PRRX2: variants seen among roughly 807,000 people sequenced by gnomAD.
The protein encoded by PRRX2 is paired mesoderm homeobox protein 2.
In PRRX2, 11 loss-of-function variants were observed where a neutral mutation model predicts 18.0. The observed-to-expected ratio is 0.61, with a 90% confidence interval of 0.39 to 1.01. The LOEUF (loss-of-function observed/expected upper bound fraction) is 1.01. Ranked by LOEUF, PRRX2 falls within the 50% of genes least tolerant of loss-of-function variation. PRRX2 has a pLI of 0.01. For synonymous variants in PRRX2, 177 were observed against 154.8 expected, an observed-to-expected ratio of 1.14 and a Z score of -1.06; for missense variants, 387 against 351.0, an observed-to-expected ratio of 1.10 and a Z score of -0.82.
chr9:129,674,561 G>C (rs1832140998), intron 1 of PRRX2, among the ~76,000 whole-genome samples: 1 of 152,120 alleles, frequency 6.6e-6, no homozygotes, highest in Admixed American at 6.5e-5. Context: ...GACAATGACA[G>C]AGAAGGAGGC....
chr9:129,691,921 C>G (rs1305471788), intron 1 of PRRX2, among the ~76,000 whole-genome samples: 1 of 147,672 alleles, frequency 6.8e-6, no homozygotes, highest in Non-Finnish European at 1.5e-5. Context: ...TCGTGCCTGG[C>G]CTAGACGGTA....
At position 129,709,058 on chromosome 9, in the gene PRRX2, G is replaced by T. The variant is rs557287703; in HGVS notation, c.260-10173G>T. Among the ~76,000 whole-genome samples the T allele has an allele frequency of 2.0e-5, 3 of 152,184 alleles. No homozygotes were observed. Among genetic ancestry groups the T allele is most frequent in the African/African-American group, 4.8e-5 (2 of 41,438 alleles). On this transcript the variant is annotated intron_variant, in intron 1 of 3. Coordinates refer to ENST00000372469, the MANE Select transcript of PRRX2 (RefSeq NM_016307.4). This position sits in a 1 kb window ranked among gnomAD's most constrained non-coding sequence, Gnocchi z 4.2. ...GGAGACCTGCGCTTGTATGGGAGCC[G>T]GGAAGGCCTCTCAGGGCTGGGCATG... is the stretch of plus-strand genomic sequence containing the variant.
chr9:129,672,163 A>G (rs2119050747), intron 1 of PRRX2, among the ~76,000 whole-genome samples: 1 of 152,256 alleles, frequency 6.6e-6, no homozygotes, highest in African/African-American at 2.4e-5. Flanking sequence ...AAGGGGACCC[A>G]ATGCTTGCTT....
Position 129,719,369 on chromosome 9 carries a change from T to TCAACCTCA in PRRX2, c.398_399insCAACCTCA (p.Arg134AsnfsTer65). 1 of 1,567,960 alleles carries TCAACCTCA rather than the reference T, an allele frequency of 6.4e-7. No individual in the cohort carries two copies. The highest frequency in any genetic ancestry group is 8.6e-7 in the Non-Finnish European group (1 of 1,157,548). On this transcript the variant is annotated frameshift_variant, in exon 2 of 4. Transcript: ENST00000372469. LOFTEE classifies it high-confidence loss of function. Reference sequence around the variant, plus strand: ...CGCACGCACTACCCCGACGCCTTTGTGCGCGAGGAGCTTGCCCGGCGCGTC... The same window carrying TCAACCTCA: ...CGCACGCACTACCCCGACGCCTTTGTCAACCTCAGCGCGAGGAGCTTGCCCGGCGCGTC...
intron 1 of PRRX2, chr9:129,718,636 G>C (rs551184053): frequency 6.6e-6 from 1 of 152,242 alleles, no homozygotes; most frequent in Non-Finnish European, 1.5e-5. Flanking sequence ...ACTTGGGCCC[G>C]AGACCATAGC....
chr9:129,679,047 C>T (rs918842372), intron 1 of PRRX2, among the ~76,000 whole-genome samples: 2 of 152,176 alleles, frequency 1.3e-5, no homozygotes, highest in African/African-American at 4.8e-5. Flanking sequence ...GGTGGCCGTG[C>T]CCCACGTCGC....
At chr9:129,702,377 G>A (rs576772836) in intron 1 of PRRX2, among the ~76,000 whole-genome samples, 6 of 150,252 alleles carry the variant, frequency 4.0e-5, no homozygotes, top group East Asian at 3.9e-4. Flanking sequence ...CAGCCTGGGC[G>A]ACAGAGCGAG....
In PRRX2 at chr9:129,722,067, CCT is replaced by C. The variant is rs1360799004; in HGVS notation, c.627-149_627-148del. On this transcript the variant is annotated intron_variant, in intron 3 of 3. Coordinates refer to ENST00000372469, the MANE Select transcript of PRRX2 (RefSeq NM_016307.4). ...GGGGACTTCTGACTCCTGCCCAAAC[CCT>C]ACAGCTCCAAATCACCCCCAGTCCT... 8.6e-6 allele frequency: 10 copies of C among 1,165,014 alleles called. No homozygotes were observed. The African/African-American group carries it at 1.6e-4, about 18-fold the overall frequency. 72.2% of individuals were successfully genotyped at this position (1,165,014 alleles called of 1,614,324 possible). A position where few individuals can be genotyped will look rare whatever the true frequency, so the allele number is the denominator to read the frequency against.
Position 129,709,852 on chromosome 9 carries a change from G to A in PRRX2, c.260-9379G>A, listed in dbSNP as rs932409492. On this transcript the variant is annotated intron_variant, in intron 1 of 3. Coordinates refer to ENST00000372469, the MANE Select transcript of PRRX2 (RefSeq NM_016307.4). The surrounding 1 kb of genome is among the most constrained non-coding windows in gnomAD (Gnocchi z 4.2). ...GGGGAGGAACCTAGACCCCTGCACA[G>A]GAGGGCGGGCTCTGCAGGCTCACCC... Among the ~76,000 whole-genome samples the A allele has an allele frequency of 6.6e-6, 1 of 150,454 alleles. No individual in the cohort carries two copies. Among genetic ancestry groups the A allele is most frequent in the Non-Finnish European group, 1.5e-5 (1 of 67,694 alleles).
At position 129,719,341 on chromosome 9, in the gene PRRX2, G is replaced by C; in HGVS notation, c.370G>C (p.Glu124Gln). 1.9e-6 allele frequency: 3 copies of C among 1,596,228 alleles called. No individual in the cohort carries two copies. The highest frequency in any genetic ancestry group is 1.7e-6 in the Non-Finnish European group (2 of 1,172,182). ...ACTGCAGGCGCTGGAGCGCGTGTTC[G>C]AGCGCACGCACTACCCCGACGCCTT... is the stretch of plus-strand genomic sequence containing the variant. ...SQLQALERVF[E>Q]RTHYPDAFVR... Residue 124 changes from glutamate (E) to glutamine (Q), a missense_variant, in exon 2 of 4, where the codon GAG (glutamate) becomes CAG (glutamine). Transcript: ENST00000372469.
intron 1 of PRRX2, among the ~76,000 whole-genome samples, chr9:129,672,998 C>G (rs151067406): frequency 4.9e-4 from 74 of 152,264 alleles, no homozygotes; most frequent in African/African-American, 1.6e-3. Context: ...TCCCAGACTT[C>G]CAGTTTTCAA....
intron 1 of PRRX2, among the ~76,000 whole-genome samples, chr9:129,688,581 C>G (rs1832321714): frequency 6.6e-6 from 1 of 152,208 alleles, no homozygotes; most frequent in Admixed American, 6.5e-5. Flanking sequence ...GACAAGGTCT[C>G]TTGACTCTGA....
intron 1 of PRRX2, among the ~76,000 whole-genome samples, chr9:129,710,647 C>T (rs1337102591): frequency 2.0e-5 from 3 of 152,164 alleles, no homozygotes; most frequent in African/African-American, 4.8e-5. Flanking sequence ...GCAGGAGAAT[C>T]GTTTGAACCT....
intron 1 of PRRX2, among the ~76,000 whole-genome samples, chr9:129,670,097 C>T (rs767325589): frequency 8.1e-5 from 12 of 148,758 alleles, no homozygotes; most frequent in Non-Finnish European, 1.3e-4. Context: ...CAGTATTTGC[C>T]GTTCTGTGAC....
At chr9:129,690,695 A>T (rs1021234152) in intron 1 of PRRX2, among the ~76,000 whole-genome samples, 3 of 151,460 alleles carry the variant, frequency 2.0e-5, no homozygotes, top group African/African-American at 7.3e-5. Flanking sequence ...TTTAGTAGAG[A>T]TGGGGTTTCA....
intron 1 of PRRX2, among the ~76,000 whole-genome samples, chr9:129,702,918 C>T (rs762032383): frequency 5.3e-5 from 8 of 152,214 alleles, no homozygotes; most frequent in Non-Finnish European, 1.2e-4. Flanking sequence ...AGAACAGCTG[C>T]CCTCAGAGGC....
chr9:129,700,193 G>A (rs1011592907), intron 1 of PRRX2, among the ~76,000 whole-genome samples: 3 of 152,158 alleles, frequency 2.0e-5, no homozygotes, highest in Non-Finnish European at 4.4e-5. Context: ...CCATTTTCTG[G>A]ATGGGATAAC....
chr9:129,720,008 A>G (rs1832768282), intron 2 of PRRX2, among the ~76,000 whole-genome samples: 1 of 152,100 alleles, frequency 6.6e-6, no homozygotes, highest in Non-Finnish European at 1.5e-5. Context: ...AAACAAACAA[A>G]CAAATAAAAA....
chr9:129,684,720 G>A (rs1015162052), intron 1 of PRRX2, among the ~76,000 whole-genome samples: 1 of 152,164 alleles, frequency 6.6e-6, no homozygotes, highest in Non-Finnish European at 1.5e-5. Flanking sequence ...TGCTCTCCAC[G>A]TGGTGCTCCT....
Sources: allele counts gnomAD v4.1 joint callset (sites outside exome capture counted in the v4.1 genomes callset), GRCh38; gene constraint gnomAD v4.1.1; non-coding constraint Gnocchi (gnomAD v3.1); transcripts MANE v1.5; gene names NCBI Gene and HGNC (gene_info 2026-07-23, HGNC 2026-07-21).